Variants in COMMD1 observed in about 807,000 individuals in gnomAD.
The protein encoded by COMMD1 is copper metabolism domain containing 1, also known as COMM domain-containing protein 1.
In COMMD1, 10 loss-of-function variants were observed where a neutral mutation model predicts 17.2. That is an observed-to-expected ratio of 0.58 (90% confidence interval 0.36 to 0.99). The LOEUF is 0.99. Among genes scored for constraint, COMMD1 ranks in the 50% least tolerant of loss-of-function variants. The pLI, the probability that COMMD1 is intolerant of heterozygous loss-of-function variation, is 0.01. For synonymous variants in COMMD1, 97 were observed against 91.6 expected, an observed-to-expected ratio of 1.06 and a Z score of -0.34; for missense variants, 270 against 231.8, an observed-to-expected ratio of 1.17 and a Z score of -1.07.
intron 2 of COMMD1, among the ~76,000 whole-genome samples, chr2:62,086,488 A>G (rs1227151117): frequency 3.3e-5 from 5 of 149,506 alleles, no homozygotes; most frequent in Non-Finnish European, 3.0e-5. Context: ...TCCAGCCTGT[A>G]TGACTGAGCA....
At chr2:62,006,649 C>G (rs1037395145) in intron 2 of COMMD1, among the ~76,000 whole-genome samples, 4 of 152,154 alleles carry the variant, frequency 2.6e-5, no homozygotes, top group African/African-American at 7.2e-5. Flanking sequence ...AGATGAACAT[C>G]AAGTGCTTTG....
chr2:61,889,034 C>A (rs1189242082), intron 1 of COMMD1, among the ~76,000 whole-genome samples: 1 of 151,234 alleles, frequency 6.6e-6, no homozygotes, highest in Non-Finnish European at 1.5e-5. Flanking sequence ...TCCCGAGTAG[C>A]TGGGATTACA....
intron 1 of COMMD1, among the ~76,000 whole-genome samples, chr2:61,969,844 G>A (rs763690319): frequency 1.3e-5 from 2 of 152,084 alleles, no homozygotes; most frequent in South Asian, 2.1e-4. Context: ...AGTCACTGAA[G>A]AAATAACTAT....
chr2:61,942,912 T>C (rs1374114235), intron 1 of COMMD1, among the ~76,000 whole-genome samples: 1 of 152,068 alleles, frequency 6.6e-6, no homozygotes, highest in Non-Finnish European at 1.5e-5. Context: ...AGAATATGTG[T>C]ACATATACCT....
chr2:61,971,919 G>A (rs771184798), intron 1 of COMMD1, among the ~76,000 whole-genome samples: 1 of 152,050 alleles, frequency 6.6e-6, no homozygotes, highest in Non-Finnish European at 1.5e-5. Flanking sequence ...CCAGGAGTTC[G>A]AGACCAGCCT....
intron 1 of COMMD1, among the ~76,000 whole-genome samples, chr2:61,895,252 G>A (rs1227997497): frequency 1.3e-5 from 2 of 152,172 alleles, no homozygotes; most frequent in Non-Finnish European, 2.9e-5. Context: ...ATAGTTTTTA[G>A]CTTTTCAGCT....
At chr2:61,985,759 T>A (rs568524677) in intron 1 of COMMD1, among the ~76,000 whole-genome samples, 1 of 152,250 alleles carries the variant, frequency 6.6e-6, no homozygotes, top group African/African-American at 2.4e-5. Context: ...AGAAAACTAG[T>A]AAAAACTCTA....
chr2:62,086,231 C>T (rs1304856610), intron 2 of COMMD1, among the ~76,000 whole-genome samples: 1 of 151,398 alleles, frequency 6.6e-6, no homozygotes, highest in Non-Finnish European at 1.5e-5. Context: ...CTTCTGTGGC[C>T]GGGCGCGGTG....
chr2:61,927,550 C>T (rs1336282468), intron 1 of COMMD1, among the ~76,000 whole-genome samples: 1 of 152,076 alleles, frequency 6.6e-6, no homozygotes, highest in Non-Finnish European at 1.5e-5. Flanking sequence ...CCGCCCGCCA[C>T]CATGCCCGGC....
At chr2:62,003,859 T>C (rs1018797255) in intron 2 of COMMD1, among the ~76,000 whole-genome samples, 1 of 152,180 alleles carries the variant, frequency 6.6e-6, no homozygotes, top group African/African-American at 2.4e-5. Context: ...GGTTACAGGT[T>C]GCTCGCTTCT....
At chr2:61,981,170 T>G (rs764771786) in intron 1 of COMMD1, among the ~76,000 whole-genome samples, 2 of 152,216 alleles carry the variant, frequency 1.3e-5, no homozygotes, top group African/African-American at 2.4e-5. Context: ...ATCCCATTTG[T>G]CCACTTTTGC....
At chr2:61,893,676 T>C (rs1669488613) in intron 1 of COMMD1, among the ~76,000 whole-genome samples, 1 of 152,080 alleles carries the variant, frequency 6.6e-6, no homozygotes, top group South Asian at 2.1e-4. Context: ...TAGCTGGGCA[T>C]GGTGGCACAT....
chr2:62,059,762 A>T (rs1030698975), intron 2 of COMMD1, among the ~76,000 whole-genome samples: 4 of 152,082 alleles, frequency 2.6e-5, no homozygotes, highest in African/African-American at 9.7e-5. Context: ...TCTTTTTCCA[A>T]CTAGTTTCCA....
intron 1 of COMMD1, among the ~76,000 whole-genome samples, chr2:61,964,159 C>G (rs1037297506): frequency 6.6e-6 from 1 of 152,204 alleles, no homozygotes; most frequent in African/African-American, 2.4e-5. Flanking sequence ...GCAATCATAT[C>G]ACTTAAATGT....
intron 2 of COMMD1, among the ~76,000 whole-genome samples, chr2:62,045,862 G>A (rs1230512094): frequency 2.1e-5 from 3 of 145,234 alleles, no homozygotes; most frequent in East Asian, 2.1e-4. Flanking sequence ...TCAGCCTCCC[G>A]AGTAGCTGGG....
chr2:62,080,977 A>G (rs966753932), intron 2 of COMMD1, among the ~76,000 whole-genome samples: 2 of 151,920 alleles, frequency 1.3e-5, no homozygotes, highest in African/African-American at 4.8e-5. Flanking sequence ...AGATGTTTCT[A>G]CTTTGTTGTT....
At chr2:62,076,740 C>G (rs139596596) in intron 2 of COMMD1, among the ~76,000 whole-genome samples, 3 of 152,170 alleles carry the variant, frequency 2.0e-5, no homozygotes, top group African/African-American at 7.2e-5. Flanking sequence ...GAGCAAGACT[C>G]CATCTCAAAA....
chr2:62,011,549 G>A (rs1669278719), intron 2 of COMMD1, among the ~76,000 whole-genome samples: 1 of 151,804 alleles, frequency 6.6e-6, no homozygotes, highest in African/African-American at 2.4e-5. Context: ...GATGCCTCCC[G>A]GCACATGGTG....
At chr2:62,095,545 G>A (rs1367671967) in intron 2 of COMMD1, among the ~76,000 whole-genome samples, 1 of 151,802 alleles carries the variant, frequency 6.6e-6, no homozygotes, top group Non-Finnish European at 1.5e-5. Context: ...CAACCTATAT[G>A]TACATCAGAT....
Sources: allele counts gnomAD v4.1 joint callset (sites outside exome capture counted in the v4.1 genomes callset), GRCh38; gene constraint gnomAD v4.1.1; transcripts MANE v1.5; gene names NCBI Gene and HGNC (gene_info 2026-07-23, HGNC 2026-07-21).